ASIC1: variants seen among roughly 807,000 people sequenced by gnomAD.
The protein encoded by ASIC1 is acid sensing ion channel subunit 1.
A neutral mutation model predicts 63.4 loss-of-function variants in ASIC1; 21 were observed. The observed-to-expected ratio is 0.33, with a 90% CI of 0.23 to 0.48. ASIC1 has a LOEUF of 0.48. Among genes scored for constraint, ASIC1 ranks in the 20% least tolerant of loss-of-function variants. The pLI is 0.99. For synonymous variants in ASIC1, 258 were observed against 278.2 expected (o/e 0.93, Z 0.72); for missense variants, 478 against 695.5 (o/e 0.69, Z 3.52).
intron 3 of ASIC1, chr12:50,073,829 A>AG: frequency 6.5e-7 from 1 of 1,531,152 alleles, no homozygotes; most frequent in Admixed American, 2.0e-5. Flanking sequence ...ATTTTTGTGG[A>AG]GGGGGGTCCA....
rs951404187 is a variant in ASIC1, at chr12:50,074,092, G to C, written c.559-3121G>C. 1.3e-6 allele frequency: 2 copies of C among 1,535,338 alleles called. No homozygotes were observed. Among genetic ancestry groups the C allele is most frequent in the African/African-American group, 2.7e-5 (2 of 73,000 alleles). ...GGGACTGGATGAAAGTGATGACCCC[G>C]GGGTGCCCCTCGCTCCACCGGGCCC... On this transcript the variant is annotated intron_variant, in intron 3 of 11. Coordinates refer to ENST00000447966, the MANE Select transcript of ASIC1 (RefSeq NM_001095.4). The surrounding 1 kb of genome is among the most constrained non-coding windows in gnomAD (Gnocchi z 4.2).
chr12:50,073,691 T>A, intron 3 of ASIC1: 1 of 1,536,386 alleles, frequency 6.5e-7, no homozygotes. Context: ...CAGCAGGACA[T>A]CTCAGAATCG....
Position 50,070,415 on chromosome 12 carries a change from T to A in ASIC1, c.559-6798T>A, listed in dbSNP as rs1365879765. 2.6e-5 allele frequency among the ~76,000 whole-genome samples: 4 copies of A among 151,986 alleles called. No individual in the cohort carries two copies. The East Asian group carries it at 7.7e-4, about 29-fold the overall frequency. The stretch of plus-strand genomic sequence containing the variant: ...GTGTGTGTGTGTTGGGGCGTGTGTG[T>A]GTGTGTTGGGGTGTGTGTGTCGCCC... On this transcript the variant is annotated intron_variant, in intron 3 of 11. Coordinates refer to ENST00000447966, the MANE Select transcript of ASIC1 (RefSeq NM_001095.4).
chr12:50,079,785 G>A (rs1783810649), intron 7 of ASIC1, 117 bp from the exon 8 acceptor site: 4 of 1,265,776 alleles, frequency 3.2e-6, no homozygotes, highest in African/African-American at 3.0e-5. Flanking sequence ...GTGAAGGGCA[G>A]GTCACGGAAA....
chr12:50,062,502 C>A (rs1950509528), intron 3 of ASIC1, among the ~76,000 whole-genome samples: 1 of 152,232 alleles, frequency 6.6e-6, no homozygotes, highest in African/African-American at 2.4e-5. Flanking sequence ...GTGGTTAGGG[C>A]TTTGCTTGCT....
Position 50,081,788 on chromosome 12 carries a change from G to A in ASIC1, c.*139G>A, listed in dbSNP as rs1312884678. The A allele has an allele frequency of 1.4e-6, 1 of 727,584 alleles. No individual in the cohort carries two copies. Among genetic ancestry groups the A allele is most frequent in the East Asian group, 2.7e-5 (1 of 37,028 alleles). The allele number at this position is 727,584 out of a possible 1,614,324, so 45.1% of individuals were successfully genotyped here. On this transcript the variant is annotated 3_prime_UTR_variant, in exon 12 of 12. Transcript: ENST00000447966. ...TTTCCTCTTGTCTGTGGTAAGGAAG[G>A]AGTCTTGACCATAGAGTCCTCTCTC...
intron 3 of ASIC1, among the ~76,000 whole-genome samples, chr12:50,065,464 G>T (rs1016276407): frequency 6.6e-6 from 1 of 152,166 alleles, no homozygotes; most frequent in Non-Finnish European, 1.5e-5. Flanking sequence ...TTATTGAGGG[G>T]CAGTCCTTCC....
chr12:50,066,062 T>C (rs1950542421), intron 3 of ASIC1, among the ~76,000 whole-genome samples: 1 of 152,188 alleles, frequency 6.6e-6, no homozygotes, highest in Admixed American at 6.5e-5. Flanking sequence ...TGCAGCTTGG[T>C]GTGTGTGGCT....
Position 50,059,252 on chromosome 12 carries a change from C to A in ASIC1, c.362+124C>A. The A allele has an allele frequency of 7.4e-7, 1 of 1,354,832 alleles. No homozygotes were observed. The highest frequency in any genetic ancestry group is 9.9e-7 in the Non-Finnish European group (1 of 1,008,140). 83.9% of individuals were successfully genotyped at this position (1,354,832 alleles called of 1,614,324 possible). A position where few individuals can be genotyped will look rare whatever the true frequency, so the allele number is the denominator to read the frequency against. ...CTGCCCTTTAACCCACCCCCACCCC[C>A]AAACCTGCCACTCACAGCAGAGGAG... On this transcript the variant is annotated intron_variant, in intron 2 of 11. Transcript: ENST00000447966. The surrounding 1 kb of genome is among the most constrained non-coding windows in gnomAD (Gnocchi z 4.6).
intron 3 of ASIC1, among the ~76,000 whole-genome samples, chr12:50,062,609 CA>C (rs11331435): frequency 0.89 from 134,889 of 152,100 alleles, 61,049 homozygotes; most frequent in Non-Finnish European, 0.98. Flanking sequence ...AATGCTTTTG[CA>C]AAGTATAGCG....
intron 7 of ASIC1, among the ~76,000 whole-genome samples, chr12:50,079,434 A>C (rs545044558): frequency 6.6e-6 from 1 of 152,248 alleles, no homozygotes; most frequent in South Asian, 2.1e-4. Context: ...AATAATCAAT[A>C]AAGTTGAGAA....
intron 3 of ASIC1, among the ~76,000 whole-genome samples, chr12:50,070,054 A>C (rs1950583796): frequency 6.6e-6 from 1 of 152,142 alleles, no homozygotes; most frequent in African/African-American, 2.4e-5. Context: ...TTACACAGAC[A>C]TGAGGGGTGG....
intron 3 of ASIC1, among the ~76,000 whole-genome samples, chr12:50,067,555 C>T (rs775129166): frequency 3.9e-5 from 6 of 152,004 alleles, no homozygotes; most frequent in Non-Finnish European, 8.8e-5. Flanking sequence ...ATTACAGATG[C>T]GTGCCACCAT....
chr12:50,080,527 T>C lies in ASIC1; in HGVS notation c.1235T>C (p.Phe412Ser). ...AACATCCTGGTGCTGGACATTTTCT[T>C]TGAAGTCCTCAACTATGAGACCATT... is the stretch of plus-strand genomic sequence containing the variant. ...GENILVLDIF[F>S]EVLNYETIEQ... is the part of the protein sequence containing the mutation. Residue 412 changes from phenylalanine (F) to serine (S), a missense_variant, in exon 9 of 12, where the codon TTT becomes TCT. Physicochemically the swap from Phe to Ser is radical, Grantham distance 155. This residue lies in a region of ASIC1 where 84 missense variants were observed against 183.5 expected (regional missense o/e 0.46). Coordinates refer to ENST00000447966, the MANE Select transcript of ASIC1 (RefSeq NM_001095.4). 1.2e-6 allele frequency: 2 copies of C among 1,614,158 alleles called. No homozygotes were observed. The highest frequency in any genetic ancestry group is 1.7e-6 in the Non-Finnish European group (2 of 1,180,012).
chr12:50,061,143 A>G (rs1950497206), intron 3 of ASIC1, among the ~76,000 whole-genome samples: 1 of 152,026 alleles, frequency 6.6e-6, no homozygotes, highest in African/African-American at 2.4e-5. Flanking sequence ...CTCCATGCCT[A>G]CTCAGCTCTT....
At position 50,081,325 on chromosome 12, in the gene ASIC1, C is replaced by G. The variant is rs530280392; in HGVS notation, c.1443C>G (p.Asp481Glu). ...AGGAGGCCAAAAGGAGCAGTGCGGA[C>G]AAGGGCGTGGCCCTCAGCCTGGACG... ...CQKEAKRSSA[D>E]KGVALSLDDV... Residue 481 changes from aspartate (D) to glutamate (E), a missense_variant, in exon 11 of 12, where the codon GAC (aspartate) becomes GAG (glutamate). Coordinates refer to ENST00000447966, the MANE Select transcript of ASIC1 (RefSeq NM_001095.4). 1.9e-6 allele frequency: 3 copies of G among 1,610,564 alleles called. No individual in the cohort carries two copies. The highest frequency in any genetic ancestry group is 1.3e-5 in the African/African-American group (1 of 74,890).
intron 8 of ASIC1, 56 bp downstream of exon 8, chr12:50,080,111 G>A: frequency 1.9e-6 from 3 of 1,552,978 alleles, no homozygotes; most frequent in Non-Finnish European, 2.6e-6. Flanking sequence ...TGGAATGGAT[G>A]AGTGGGGTTT....
intron 3 of ASIC1, among the ~76,000 whole-genome samples, chr12:50,071,387 C>T (rs1441712709): frequency 6.6e-6 from 1 of 151,110 alleles, no homozygotes; most frequent in African/African-American, 2.4e-5. Flanking sequence ...CTGCCTCAGC[C>T]TCCCGAGTAG....
At chr12:50,065,613 A>T (rs1359492908) in intron 3 of ASIC1, among the ~76,000 whole-genome samples, 1 of 152,222 alleles carries the variant, frequency 6.6e-6, no homozygotes. Context: ...TTCACTTGAA[A>T]GGGAAGTTCC....
Sources: gnomAD v4.1 joint callset for allele counts (sites outside exome capture counted in the v4.1 genomes callset) on GRCh38, gnomAD v4.1.1 for gene constraint, gnomAD v4.1.1 regional missense constraint, Gnocchi (gnomAD v3.1) non-coding constraint, MANE v1.5 for transcripts, NCBI Gene and HGNC (gene_info 2026-07-23, HGNC 2026-07-21) for gene names.